Variants in PIGU observed in about 807,000 individuals in gnomAD.
The protein encoded by PIGU is GPI-anchor transamidase component PIGU.
In PIGU, 24 loss-of-function variants were observed where a neutral mutation model predicts 49.9. The observed-to-expected ratio is 0.48, with a 90% CI of 0.35 to 0.68. PIGU has a LOEUF of 0.68. PIGU is among the 30% of genes least tolerant of loss of function. PIGU has a pLI of 0.01. For synonymous variants in PIGU, 220 were observed against 205.7 expected (o/e 1.07, Z -0.59); for missense variants, 490 against 532.6 (o/e 0.92, Z 0.79).
rs144900283 is a variant in PIGU at position 34,674,582 on chromosome 20, C to T, written c.130+2374G>A. ...AACTACACACCTACTGTATGCCAGACATAAAAGAATTCAGGAATGAATAAA... is the reference window on the plus strand; with the variant it reads ...AACTACACACCTACTGTATGCCAGATATAAAAGAATTCAGGAATGAATAAA... On this transcript the variant is annotated intron_variant, in intron 1 of 11. Coordinates refer to ENST00000217446, the MANE Select transcript of PIGU (RefSeq NM_080476.5). 6.6e-5 allele frequency among the ~76,000 whole-genome samples: 10 copies of T among 152,092 alleles called. No homozygotes were observed. In the South Asian group the frequency reaches 1.9e-3, roughly 28 times the overall value.
intron 6 of PIGU, among the ~76,000 whole-genome samples, chr20:34,624,300 T>C (rs1985369605): frequency 6.6e-6 from 1 of 152,194 alleles, no homozygotes; most frequent in South Asian, 2.1e-4. Flanking sequence ...CAGACACTCT[T>C]TCATCCCCAT....
chr20:34,675,297 G>A (rs1418054297), intron 1 of PIGU, among the ~76,000 whole-genome samples: 1 of 148,378 alleles, frequency 6.7e-6, no homozygotes, highest in Admixed American at 6.8e-5. Flanking sequence ...TGGAAAAACC[G>A]GATATAAACA....
At position 34,593,269 on chromosome 20, in the gene PIGU, G is replaced by A. The variant is rs573233222; in HGVS notation, c.628-4662C>T. Among the ~76,000 whole-genome samples the A allele has an allele frequency of 2.7e-4, 41 of 151,986 alleles. 1 individual carries two copies. In the South Asian group the frequency reaches 6.0e-3, roughly 22 times the overall value. On this transcript the variant is annotated intron_variant, in intron 7 of 11. Transcript: ENST00000217446. Reference sequence around the variant, plus strand: ...GGAGGATAGCTTGAACCCAGGAAGGGAAGTGAAGGTTGCAGCCAATATCGT... The same window carrying A: ...GGAGGATAGCTTGAACCCAGGAAGGAAAGTGAAGGTTGCAGCCAATATCGT...
chr20:34,629,304 G>A (rs963995450), intron 6 of PIGU, among the ~76,000 whole-genome samples: 1 of 152,112 alleles, frequency 6.6e-6, no homozygotes, highest in Non-Finnish European at 1.5e-5. Flanking sequence ...TTACAGGCGT[G>A]AGCCACCATG....
chr20:34,614,621 C>T (rs1318265271), intron 7 of PIGU, among the ~76,000 whole-genome samples: 2 of 122,640 alleles, frequency 1.6e-5, no homozygotes, highest in Non-Finnish European at 3.4e-5. Context: ...CAAGGACCTG[C>T]TCTCAAAAAA....
At chr20:34,630,899 C>T (rs1322784112) in intron 6 of PIGU, among the ~76,000 whole-genome samples, 1 of 152,068 alleles carries the variant, frequency 6.6e-6, no homozygotes, top group East Asian at 1.9e-4. Context: ...CCCACCTCAG[C>T]CTCCCAAAAT....
intron 8 of PIGU, among the ~76,000 whole-genome samples, chr20:34,586,799 G>T (rs1466792950): frequency 6.6e-6 from 1 of 152,160 alleles, no homozygotes; most frequent in Non-Finnish European, 1.5e-5. Context: ...AACTGTCAGA[G>T]GCCCTCTTGC....
chr20:34,584,836 C>T lies in PIGU; in HGVS notation c.926+601G>A, dbSNP rs146434448. Among the ~76,000 whole-genome samples the T allele has an allele frequency of 6.5e-3, 994 of 152,180 alleles. 11 individuals are homozygous for T. The highest frequency in any genetic ancestry group is 0.02 in the African/African-American group (830 of 41,500). On this transcript the variant is annotated intron_variant, in intron 9 of 11. Coordinates refer to ENST00000217446, the MANE Select transcript of PIGU (RefSeq NM_080476.5). The stretch of plus-strand genomic sequence containing the variant: ...CAGAGTAGCTGGGACTATAGGCACC[C>T]GCCACTATACCTGGCAAATTTTTGT...
At chr20:34,668,867 C>CTTTTTTT (rs374136983) in intron 1 of PIGU, among the ~76,000 whole-genome samples, 1 of 44,690 alleles carries the variant, frequency 2.2e-5, no homozygotes, top group African/African-American at 8.4e-5. Context: ...AATGGTAAAA[C>CTTTTTTT]TTTTTTTTTT....
intron 7 of PIGU, among the ~76,000 whole-genome samples, chr20:34,599,147 A>G (rs1984313197): frequency 6.6e-6 from 1 of 152,142 alleles, no homozygotes; most frequent in Non-Finnish European, 1.5e-5. Flanking sequence ...AATCAGTAAG[A>G]CACTAATCTC....
At chr20:34,566,490 G>A (rs962447961) in intron 11 of PIGU, among the ~76,000 whole-genome samples, 5 of 152,230 alleles carry the variant, frequency 3.3e-5, no homozygotes, top group African/African-American at 1.2e-4. Flanking sequence ...GGTGACCAGG[G>A]ACAGACAGGA....
At chr20:34,588,087 A>G (rs189274198) in intron 8 of PIGU, among the ~76,000 whole-genome samples, 16 of 152,222 alleles carry the variant, frequency 1.1e-4, no homozygotes, top group African/African-American at 3.6e-4. Flanking sequence ...CCCTGTCTCT[A>G]CTAAAAATAC....
Position 34,666,139 on chromosome 20 carries a change from T to C in PIGU, c.131-8895A>G, listed in dbSNP as rs931787252. On this transcript the variant is annotated intron_variant, in intron 1 of 11. Coordinates refer to ENST00000217446, the MANE Select transcript of PIGU (RefSeq NM_080476.5). ...ATGCGGAGGTTGTAGTGAGCCAAGA[T>C]CGTGCCACTGTACTCCAGCCCGGGC... Among the ~76,000 whole-genome samples the C allele has an allele frequency of 2.6e-5, 4 of 151,876 alleles. No individual in the cohort carries two copies. In the East Asian group the frequency reaches 7.7e-4, roughly 29 times the overall value.
Position 34,588,545 on chromosome 20 carries a change from G to T in PIGU, c.690C>A (p.Ala230=). The T allele has an allele frequency of 3.7e-6, 6 of 1,613,738 alleles. No homozygotes were observed. The highest frequency in any genetic ancestry group is 1.1e-5 in the South Asian group (1 of 91,080). ...KAFWIFSWEY[A]MMYVGSLVVI... ...CCACTAGGCTTCCCACATACATCAT[G>T]GCATACTCCCAAGAAAAGATCCAGA... Residue 230 remains alanine (A), a synonymous_variant, in exon 8 of 12, where the codon GCC becomes GCA. Transcript: ENST00000217446.
rs1268442815 is a variant in PIGU at position 34,670,670 on chromosome 20, G to A, written c.130+6286C>T. On this transcript the variant is annotated intron_variant, in intron 1 of 11. Transcript: ENST00000217446. ...CCCTCCCACCTCAGTCTCCCAGGTAGCTGGGACTACAGGCACACGCCACCA... is the reference window on the plus strand; with the variant it reads ...CCCTCCCACCTCAGTCTCCCAGGTAACTGGGACTACAGGCACACGCCACCA... Among the ~76,000 whole-genome samples, 3 of 152,136 alleles carry A rather than the reference G, an allele frequency of 2.0e-5. No homozygotes were observed. In the East Asian group the frequency reaches 5.8e-4, roughly 29 times the overall value.
intron 7 of PIGU, among the ~76,000 whole-genome samples, chr20:34,608,777 G>C (rs560171580): frequency 6.6e-6 from 1 of 152,174 alleles, no homozygotes; most frequent in African/African-American, 2.4e-5. Flanking sequence ...CAACTCCCCA[G>C]CAAGTGGCCA....
chr20:34,676,586 C>T (rs1259610992), intron 1 of PIGU, among the ~76,000 whole-genome samples: 3 of 152,210 alleles, frequency 2.0e-5, no homozygotes, highest in Non-Finnish European at 4.4e-5. Context: ...CCCTGGCGAT[C>T]CCGCCCCAAA....
intron 1 of PIGU, among the ~76,000 whole-genome samples, chr20:34,671,096 T>G (rs1455940623): frequency 6.6e-6 from 1 of 152,226 alleles, no homozygotes; most frequent in African/African-American, 2.4e-5. Flanking sequence ...CGAGGTCACC[T>G]TGGGCAAATG....
rs746336771 is a variant in PIGU, at chr20:34,616,136, C to T, written c.533G>A (p.Ser178Asn). 11 of 1,612,336 alleles carry T rather than the reference C, an allele frequency of 6.8e-6. No homozygotes were observed. Among genetic ancestry groups the T allele is most frequent in the Non-Finnish European group, 9.3e-6 (11 of 1,179,356 alleles). ...AAGAAAAATAGCACTGAGGAAAGCA[C>T]TGCCTGTAAAAAGAAAGAAATGTAT... ...AFFILTTIKGSAFLSAIFLAL... is the reference protein window; with the variant it reads ...AFFILTTIKGNAFLSAIFLAL... Residue 178 changes from serine to asparagine, a missense_variant, in exon 7 of 12, where the codon AGT becomes AAT. Transcript: ENST00000217446.
Sources: allele counts gnomAD v4.1 joint callset (sites outside exome capture counted in the v4.1 genomes callset), GRCh38; gene constraint gnomAD v4.1.1; transcripts MANE v1.5; gene names NCBI Gene and HGNC (gene_info 2026-07-23, HGNC 2026-07-21).